NCOA1: variants seen among roughly 807,000 people sequenced by gnomAD.
NCOA1 encodes nuclear receptor coactivator 1, also known as Hin-2 protein.
In NCOA1, 35 loss-of-function variants were observed where a neutral mutation model predicts 150.9. That is an observed-to-expected ratio of 0.23 (90% CI 0.18 to 0.31). The LOEUF is 0.31. Ranked by LOEUF, NCOA1 falls within the 10% of genes least tolerant of loss-of-function variation. NCOA1 has a pLI of 1.00. For missense variants in NCOA1, 1,491 were observed against 1,749.3 expected (o/e 0.85, Z 2.63); for synonymous variants, 590 against 630.0 (o/e 0.94, Z 0.95).
chr2:24,568,660 AAGC>A (rs980973396), intron 2 of NCOA1, among the ~76,000 whole-genome samples: 13 of 152,346 alleles, frequency 8.5e-5, no homozygotes, highest in African/African-American at 2.6e-4. Context: ...TCATAGGAAA[AAGC>A]AGGTCTACTC....
At chr2:24,595,885 C>T (rs1558823529) in intron 3 of NCOA1, among the ~76,000 whole-genome samples, 1 of 152,086 alleles carries the variant, frequency 6.6e-6, no homozygotes. Flanking sequence ...GATACTGTGT[C>T]ATCTCTTTGC....
At chr2:24,552,571 T>C (rs1040032119) in intron 1 of NCOA1, among the ~76,000 whole-genome samples, 2 of 151,522 alleles carry the variant, frequency 1.3e-5, no homozygotes, top group Admixed American at 6.6e-5. Context: ...TTCACTATGT[T>C]AGCCAGGATG....
chr2:24,603,723 C>T (rs945206622), intron 3 of NCOA1, among the ~76,000 whole-genome samples: 1 of 152,208 alleles, frequency 6.6e-6, no homozygotes, highest in Non-Finnish European at 1.5e-5. Flanking sequence ...TTTACCATAT[C>T]TGCGGTTACT....
chr2:24,621,096 C>T (rs1394838210), intron 3 of NCOA1, among the ~76,000 whole-genome samples: 2 of 152,034 alleles, frequency 1.3e-5, no homozygotes, highest in African/African-American at 2.4e-5. Flanking sequence ...ACCCTGCTTT[C>T]GTCATGGGAA....
At chr2:24,584,281 G>A (rs375114021) in intron 2 of NCOA1, among the ~76,000 whole-genome samples, 195 bp from the exon 3 acceptor site, 47 of 151,886 alleles carry the variant, frequency 3.1e-4, no homozygotes, top group African/African-American at 1.1e-3. Flanking sequence ...TTTTGTTTTT[G>A]TTTGCTTCAA....
At chr2:24,614,664 C>T (rs1366620967) in intron 3 of NCOA1, among the ~76,000 whole-genome samples, 3 of 152,114 alleles carry the variant, frequency 2.0e-5, no homozygotes, top group Admixed American at 1.3e-4. Context: ...CCCAACCACA[C>T]CTACATGTCA....
chr2:24,711,880 A>G (rs1673764698), intron 14 of NCOA1, among the ~76,000 whole-genome samples: 1 of 152,240 alleles, frequency 6.6e-6, no homozygotes, highest in South Asian at 2.1e-4. Flanking sequence ...AAGGAAACTA[A>G]TCAGCCCACT....
chr2:24,727,272 T>C (rs1662739106), intron 15 of NCOA1, among the ~76,000 whole-genome samples: 1 of 152,096 alleles, frequency 6.6e-6, no homozygotes, highest in Non-Finnish European at 1.5e-5. Context: ...TATGTAGCTA[T>C]TGTTTTATAT....
rs1666400264 is a variant in NCOA1 at position 24,564,166 on chromosome 2, T to C, written c.-395-129T>C. ...TGTTAGTAGTGACAAGAATGAGAAT[T>C]GACATTTCTTGAATAACTAAAGCAT... On this transcript the variant is annotated intron_variant, in intron 1 of 22. Coordinates refer to ENST00000348332, the MANE Select transcript of NCOA1 (RefSeq NM_003743.5). 4 of 152,216 alleles carry C rather than the reference T, an allele frequency of 2.6e-5. No homozygotes were observed. The South Asian group carries it at 8.3e-4, about 32-fold the overall frequency. 9.4% of individuals were successfully genotyped at this position (152,216 alleles called of 1,614,324 possible).
chr2:24,665,041 T>G lies in NCOA1; in HGVS notation c.90-708T>G, dbSNP rs1327714470. Reference sequence around the variant, plus strand: ...GTCATTCAGTACATTTGGTATATTTTTTTAAAAAGGTGCTACCTGTATGCA... The same window carrying G: ...GTCATTCAGTACATTTGGTATATTTGTTTAAAAAGGTGCTACCTGTATGCA... On this transcript the variant is annotated intron_variant, in intron 5 of 22. Coordinates refer to ENST00000348332, the MANE Select transcript of NCOA1 (RefSeq NM_003743.5). 2.6e-5 allele frequency among the ~76,000 whole-genome samples: 4 copies of G among 152,246 alleles called. No individual in the cohort carries two copies. In the East Asian group the frequency reaches 7.7e-4, roughly 29 times the overall value.
intron 22 of NCOA1, among the ~76,000 whole-genome samples, chr2:24,767,308 TGA>T (rs1486603014): frequency 1.3e-5 from 2 of 152,232 alleles, no homozygotes; most frequent in African/African-American, 4.8e-5. Flanking sequence ...TCAAAAAGTT[TGA>T]GACACTTAGA....
intron 3 of NCOA1, among the ~76,000 whole-genome samples, chr2:24,620,007 C>T (rs1351728804): frequency 6.6e-6 from 1 of 152,080 alleles, no homozygotes; most frequent in African/African-American, 2.4e-5. Context: ...CTTCTCTCCC[C>T]AAAACAGCCT....
chr2:24,645,509 A>C (rs1218363465), intron 4 of NCOA1, among the ~76,000 whole-genome samples: 1 of 130,788 alleles, frequency 7.6e-6, no homozygotes, highest in Non-Finnish European at 1.7e-5. Context: ...GACTCCTCTC[A>C]GAAAAAAAAA....
chr2:24,496,400 C>G (rs1460523378), intron 1 of NCOA1, among the ~76,000 whole-genome samples: 1 of 152,192 alleles, frequency 6.6e-6, no homozygotes, highest in African/African-American at 2.4e-5. Context: ...TTATGATAAT[C>G]ATAGATATCT....
intron 11 of NCOA1, among the ~76,000 whole-genome samples, chr2:24,701,324 C>T (rs535638924): frequency 1.3e-5 from 2 of 151,710 alleles, no homozygotes; most frequent in South Asian, 2.1e-4. Flanking sequence ...GGCAACATGG[C>T]GAAACCTCAT....
chr2:24,631,739 G>C (rs62142309), intron 3 of NCOA1, among the ~76,000 whole-genome samples: 570 of 152,252 alleles, frequency 3.7e-3, no homozygotes, highest in Non-Finnish European at 6.1e-3. Flanking sequence ...GTGTCAGCTT[G>C]TGTGTACAGA....
intron 3 of NCOA1, among the ~76,000 whole-genome samples, chr2:24,598,911 T>A (rs1025527078): frequency 5.3e-5 from 8 of 152,008 alleles, no homozygotes; most frequent in East Asian, 1.9e-4. Flanking sequence ...AAAAAAAAAA[T>A]TTCTTAAAGA....
intron 1 of NCOA1, among the ~76,000 whole-genome samples, chr2:24,551,948 C>G (rs1357912965): frequency 6.6e-6 from 1 of 152,098 alleles, no homozygotes; most frequent in East Asian, 1.9e-4. Flanking sequence ...TGTTTGAAAT[C>G]AGTTGACCAT....
intron 1 of NCOA1, among the ~76,000 whole-genome samples, chr2:24,556,695 T>C (rs558506739): frequency 4.6e-5 from 7 of 152,198 alleles, no homozygotes; most frequent in Non-Finnish European, 8.8e-5. Context: ...CTCATGCCAG[T>C]CAGGATGGCT....
Sources: allele counts gnomAD v4.1 joint callset (sites outside exome capture counted in the v4.1 genomes callset), GRCh38; gene constraint gnomAD v4.1.1; transcripts MANE v1.5; gene names NCBI Gene and HGNC (gene_info 2026-07-23, HGNC 2026-07-21).